Variants in DCAF5 observed in about 807,000 individuals in gnomAD.
The protein encoded by DCAF5 is DDB1- and CUL4-associated factor 5.
A neutral mutation model predicts 80.7 loss-of-function variants in DCAF5; 9 were observed. The ratio of observed to expected loss-of-function variants is 0.11; its 90% confidence interval spans 0.07 to 0.19. The LOEUF is 0.19. Ranked by LOEUF, DCAF5 falls within the 10% of genes least tolerant of loss-of-function variation. DCAF5 has a pLI of 1.00. For missense variants in DCAF5, 842 were observed against 1,205.7 expected (o/e 0.70, Z 4.47); for synonymous variants, 433 against 461.9 (o/e 0.94, Z 0.80).
chr14:69,126,538 T>C (rs1167918522), intron 1 of DCAF5, among the ~76,000 whole-genome samples: 1 of 152,196 alleles, frequency 6.6e-6, no homozygotes, highest in East Asian at 1.9e-4. Flanking sequence ...TCTCAGCAAA[T>C]TCATTTTATG....
chr14:69,060,584 T>C (rs1283323416), intron 8 of DCAF5, among the ~76,000 whole-genome samples: 1 of 151,932 alleles, frequency 6.6e-6, no homozygotes, highest in Non-Finnish European at 1.5e-5. Flanking sequence ...CAGTCTGGAG[T>C]GCAGTGGCAC....
chr14:69,118,085 T>TTCAA lies in DCAF5; in HGVS notation c.535+53_535+54insTTGA. ...GGTAATAAATTGGATCTTCAATGAA[T>TTCAA]CTGACATCAAACTGTTCAACACAGT... On this transcript the variant is annotated intron_variant, in intron 4 of 8. Transcript: ENST00000341516. This position sits in a 1 kb window ranked among gnomAD's most constrained non-coding sequence, Gnocchi z 4.0. 1 of 1,600,664 alleles carries TTCAA rather than the reference T, an allele frequency of 6.2e-7. No individual in the cohort carries two copies. The highest frequency in any genetic ancestry group is 1.1e-5 in the South Asian group (1 of 90,136).
At chr14:69,090,020 G>A in intron 6 of DCAF5, 2 of 985,422 alleles carry the variant, frequency 2.0e-6, no homozygotes, top group Non-Finnish European at 2.4e-6. Context: ...AACACAACCT[G>A]AAGAAAATCA....
chr14:69,124,606 A>G (rs1306809640), intron 1 of DCAF5, among the ~76,000 whole-genome samples: 1 of 152,196 alleles, frequency 6.6e-6, no homozygotes, highest in Non-Finnish European at 1.5e-5. Context: ...TTCAACTATG[A>G]GTTCTCTGGC....
At chr14:69,063,224 AG>A (rs2038296650) in intron 7 of DCAF5, among the ~76,000 whole-genome samples, 1 of 152,240 alleles carries the variant, frequency 6.6e-6, no homozygotes. Flanking sequence ...CTGTATTTTA[AG>A]GATCATCCTA....
chr14:69,146,381 A>G (rs1306396960), intron 1 of DCAF5, among the ~76,000 whole-genome samples: 1 of 152,244 alleles, frequency 6.6e-6, no homozygotes, highest in Non-Finnish European at 1.5e-5. Flanking sequence ...GGTATCAATT[A>G]GCTGACTAAA....
chr14:69,108,617 G>A (rs951069904), intron 5 of DCAF5, among the ~76,000 whole-genome samples: 10 of 152,172 alleles, frequency 6.6e-5, no homozygotes, highest in Admixed American at 4.6e-4. Context: ...TAAGACAGAC[G>A]ATGACAATAA....
chr14:69,086,122 T>C (rs1164912478), intron 6 of DCAF5, among the ~76,000 whole-genome samples: 5 of 152,102 alleles, frequency 3.3e-5, no homozygotes, highest in African/African-American at 1.2e-4. Flanking sequence ...TTTGGGAGGC[T>C]GAGGTGGGTG....
At chr14:69,129,507 G>A (rs940050224) in intron 1 of DCAF5, among the ~76,000 whole-genome samples, 21 of 152,362 alleles carry the variant, frequency 1.4e-4, no homozygotes, top group African/African-American at 5.0e-4. Flanking sequence ...GAGGGCTGGT[G>A]AAGCAAGGGA....
intron 7 of DCAF5, among the ~76,000 whole-genome samples, chr14:69,071,563 A>G (rs2038693818): frequency 6.6e-6 from 1 of 151,894 alleles, no homozygotes; most frequent in Non-Finnish European, 1.5e-5. Flanking sequence ...TCATATATCC[A>G]AAAGGTACAC....
chr14:69,097,590 T>A (rs796508945), intron 5 of DCAF5, among the ~76,000 whole-genome samples: 8,721 of 143,872 alleles, frequency 0.061, 313 homozygotes, highest in Admixed American at 0.13. Context: ...TTATTTTTTT[T>A]TTTTTTTTTT....
chr14:69,097,797 G>A (rs1404751960), intron 5 of DCAF5, among the ~76,000 whole-genome samples: 1 of 151,658 alleles, frequency 6.6e-6, no homozygotes, highest in Non-Finnish European at 1.5e-5. Flanking sequence ...ATGTTGACCA[G>A]GCTGGTCTTG....
At chr14:69,071,926 G>A (rs2038708936) in intron 7 of DCAF5, among the ~76,000 whole-genome samples, 1 of 152,198 alleles carries the variant, frequency 6.6e-6, no homozygotes, top group Admixed American at 6.5e-5. Flanking sequence ...CTGAAAACAG[G>A]AGGAGTTAAA....
chr14:69,100,959 A>C (rs1253993681), intron 5 of DCAF5, among the ~76,000 whole-genome samples: 1 of 152,258 alleles, frequency 6.6e-6, no homozygotes, highest in Admixed American at 6.5e-5. Flanking sequence ...CCCCTGAAGA[A>C]GCAACAAGTT....
At position 69,075,411 on chromosome 14, in the gene DCAF5, ACTGTTGG is replaced by A; in HGVS notation, c.880-7_880-1del. The A allele has an allele frequency of 6.3e-7, 1 of 1,582,984 alleles. No homozygotes were observed. The highest frequency in any genetic ancestry group is 8.6e-7 in the Non-Finnish European group (1 of 1,159,704). The stretch of plus-strand genomic sequence containing the variant: ...AAGTCATCAGAGCCCGAAAGGATAT[ACTGTTGG>A]AACAAAAAATATATAGATAACATTA... On this transcript the variant is annotated splice_acceptor_variant and splice_polypyrimidine_tract_variant and intron_variant, in intron 6 of 8. Coordinates refer to ENST00000341516, the MANE Select transcript of DCAF5 (RefSeq NM_003861.3). LOFTEE classifies it high-confidence loss of function.
At chr14:69,072,623 TAAAAAA>T (rs57781214) in intron 7 of DCAF5, among the ~76,000 whole-genome samples, 5 of 116,478 alleles carry the variant, frequency 4.3e-5, no homozygotes, top group Admixed American at 1.9e-4. Flanking sequence ...ACCCTGACTT[TAAAAAA>T]AAAAAAAAAA....
chr14:69,062,387 G>A lies in DCAF5; in HGVS notation c.1071C>T (p.Ile357=), dbSNP rs756857703. 13 of 1,613,580 alleles carry A rather than the reference G, an allele frequency of 8.1e-6. No individual in the cohort carries two copies. The South Asian group carries it at 1.3e-4, about 16-fold the overall frequency. Residue 357 remains isoleucine, a synonymous_variant, in exon 8 of 9, where the codon ATC becomes ATT. Transcript: ENST00000341516. Reference sequence around the variant, plus strand: ...ACAGAAGGGGAAGGTGCCTCACCTTGATAATCTTTTCTACACCAGAAGAGC... The same window carrying A: ...ACAGAAGGGGAAGGTGCCTCACCTTAATAATCTTTTCTACACCAGAAGAGC... ...MICSSGVEKI[I]KIWSPYKQPG...
At chr14:69,144,214 G>A (rs1378155160) in intron 1 of DCAF5, among the ~76,000 whole-genome samples, 1 of 151,854 alleles carries the variant, frequency 6.6e-6, no homozygotes, top group Non-Finnish European at 1.5e-5. Flanking sequence ...TTAGCAGAAG[G>A]CCTGGCATAC....
intron 1 of DCAF5, among the ~76,000 whole-genome samples, chr14:69,139,277 G>C (rs749400076): frequency 6.6e-6 from 1 of 150,666 alleles, no homozygotes. Context: ...CTTGAGGCCA[G>C]GAGTTCAAGA....
Sources: gnomAD v4.1 joint callset for allele counts (sites outside exome capture counted in the v4.1 genomes callset) on GRCh38, gnomAD v4.1.1 for gene constraint, Gnocchi (gnomAD v3.1) non-coding constraint, MANE v1.5 for transcripts, NCBI Gene and HGNC (gene_info 2026-07-23, HGNC 2026-07-21) for gene names.